PTPRN2: variants seen among roughly 807,000 people sequenced by gnomAD.
PTPRN2 encodes protein tyrosine phosphatase receptor type N2.
A neutral mutation model predicts 118.8 loss-of-function variants in PTPRN2; 74 were observed. The observed-to-expected ratio is 0.62, with a 90% CI of 0.52 to 0.76. PTPRN2 has a LOEUF of 0.76. Among genes scored for constraint, PTPRN2 ranks in the 30% least tolerant of loss-of-function variants. PTPRN2 has a pLI of 0.00. For synonymous variants in PTPRN2, 641 were observed against 608.0 expected (o/e 1.05, Z -0.80); for missense variants, 1,481 against 1,394.4 (o/e 1.06, Z -0.99).
At position 157,831,004 on chromosome 7, in the gene PTPRN2, G is replaced by A. The variant is rs531687328; in HGVS notation, c.1788+67669C>T. Among the ~76,000 whole-genome samples, 57 of 152,356 alleles carry A rather than the reference G, an allele frequency of 3.7e-4. No homozygotes were observed. Among genetic ancestry groups the A allele is most frequent in the African/African-American group, 1.3e-3 (56 of 41,580 alleles). On this transcript the variant is annotated intron_variant, in intron 12 of 22. Transcript: ENST00000389418. The surrounding 1 kb of genome is among the most constrained non-coding windows in gnomAD (Gnocchi z 4.8). ...TTGTGACTTCCATCCAGACACACAG[G>A]TAAATGACAGAGTTGCAGGCATGAC...
intron 12 of PTPRN2, among the ~76,000 whole-genome samples, chr7:157,812,663 C>G (rs544086596): frequency 6.6e-6 from 1 of 152,250 alleles, no homozygotes; most frequent in Non-Finnish European, 1.5e-5. Context: ...TTTGGTGCAT[C>G]TTTCATCAGC....
chr7:158,514,657 A>G (rs893056146), intron 1 of PTPRN2, among the ~76,000 whole-genome samples: 3 of 152,198 alleles, frequency 2.0e-5, no homozygotes, highest in Non-Finnish European at 2.9e-5. Flanking sequence ...AAGGATACCT[A>G]CTTTCCAAAC....
intron 12 of PTPRN2, chr7:157,854,470 CT>C (rs1301458717): frequency 6.6e-6 from 1 of 152,310 alleles, no homozygotes; most frequent in African/African-American, 2.4e-5. Context: ...GGTCACTGCC[CT>C]TGTGGTTGAG....
intron 11 of PTPRN2, among the ~76,000 whole-genome samples, chr7:157,994,560 C>CT (rs1357091266): frequency 7.1e-5 from 10 of 141,306 alleles, no homozygotes; most frequent in South Asian, 2.4e-4. Context: ...ATCAGCACCG[C>CT]GTCCCCAGCT....
At chr7:157,820,186 T>C (rs1806729842) in intron 12 of PTPRN2, among the ~76,000 whole-genome samples, 1 of 133,878 alleles carries the variant, frequency 7.5e-6, no homozygotes, top group African/African-American at 2.9e-5. Context: ...ACTTATGCAC[T>C]CACATATATA....
rs111880203 is a variant in PTPRN2 at position 158,155,545 on chromosome 7, C to T, written c.910+11386G>A. ...CCATCACCATCAGCACTATCATCAC[C>T]ATCAACACCATCATCATCATTGCCA... is the stretch of plus-strand genomic sequence containing the variant. On this transcript the variant is annotated intron_variant, in intron 6 of 22. Coordinates refer to ENST00000389418, the MANE Select transcript of PTPRN2 (RefSeq NM_002847.5). Among the ~76,000 whole-genome samples the T allele has an allele frequency of 3.5e-3, 369 of 104,768 alleles. 5 individuals are homozygous for T. The highest frequency in any genetic ancestry group is 0.014 in the African/African-American group (348 of 25,444). 68.7% of individuals were successfully genotyped at this position (104,768 alleles called of 152,430 possible).
intron 9 of PTPRN2, among the ~76,000 whole-genome samples, chr7:158,125,450 G>T (rs1285289681): frequency 6.6e-6 from 1 of 152,074 alleles, no homozygotes; most frequent in Non-Finnish European, 1.5e-5. Context: ...GCTGAGGTTT[G>T]GGAGAGTTTT....
At chr7:158,256,380 T>C (rs1797020272) in intron 3 of PTPRN2, among the ~76,000 whole-genome samples, 1 of 152,176 alleles carries the variant, frequency 6.6e-6, no homozygotes, top group Non-Finnish European at 1.5e-5. Context: ...TGAGAGGAGT[T>C]GTCACGTGCA....
At chr7:157,721,178 C>T (rs915364946) in intron 12 of PTPRN2, among the ~76,000 whole-genome samples, 4 of 152,196 alleles carry the variant, frequency 2.6e-5, no homozygotes, top group African/African-American at 4.8e-5. Context: ...AGCTGTTCCC[C>T]GGCACAGAAA....
rs530078309 is a variant in PTPRN2, at chr7:158,280,860, C to A, written c.277+35959G>T. On this transcript the variant is annotated intron_variant, in intron 3 of 22. Coordinates refer to ENST00000389418, the MANE Select transcript of PTPRN2 (RefSeq NM_002847.5). ...ATGGAAAGCGGGAGGGGAGGCCTCA[C>A]GGCAGCTGTGCCCAGAACCAGCACG... 5.3e-5 allele frequency among the ~76,000 whole-genome samples: 8 copies of A among 152,326 alleles called. 1 individual carries two copies. The East Asian group carries it at 7.7e-4, about 15-fold the overall frequency.
At chr7:158,256,398 A>G (rs1232566343) in intron 3 of PTPRN2, among the ~76,000 whole-genome samples, 1 of 152,192 alleles carries the variant, frequency 6.6e-6, no homozygotes, top group Non-Finnish European at 1.5e-5. Flanking sequence ...GCACCCTTGG[A>G]GCAAGGTCAC....
intron 1 of PTPRN2, among the ~76,000 whole-genome samples, chr7:158,541,047 G>T (rs906518694): frequency 1.3e-5 from 2 of 152,210 alleles, no homozygotes; most frequent in Non-Finnish European, 2.9e-5. Context: ...GCTCAGGGCT[G>T]CACAGGTGCT....
intron 12 of PTPRN2, among the ~76,000 whole-genome samples, chr7:157,707,294 T>C (rs1191401444): frequency 6.6e-6 from 1 of 151,086 alleles, no homozygotes; most frequent in African/African-American, 2.4e-5. Context: ...CCCAGCATAC[T>C]TACACACACA....
In PTPRN2 at chr7:157,576,724, T is replaced by G. The variant is rs1800069092; in HGVS notation, c.2672A>C (p.Tyr891Ser). The G allele has an allele frequency of 1.2e-6, 2 of 1,609,570 alleles. No individual in the cohort carries two copies. The highest frequency in any genetic ancestry group is 1.7e-6 in the Non-Finnish European group (2 of 1,177,614). The change falls in exon 19 of 23, where the codon TAT (tyrosine) becomes TCT (serine). Residue 891 changes from tyrosine (Y) to serine (S), a missense_variant. By Grantham distance (144) the Tyr-to-Ser change is moderately radical (BLOSUM62 -2). This residue lies in a region of PTPRN2 where 362 missense variants were observed against 384.1 expected (regional missense o/e 0.94). Transcript: ENST00000389418. The part of the protein sequence containing the change: ...WCEDFLVRSF[Y>S]LKNLQTNETR... ...CTCGTTGGTCTGCAGGTTCTTCAGATAGAAGCTCCTCACCAGGAAGTCCTC... is the reference window on the plus strand; with the variant it reads ...CTCGTTGGTCTGCAGGTTCTTCAGAGAGAAGCTCCTCACCAGGAAGTCCTC...
intron 2 of PTPRN2, among the ~76,000 whole-genome samples, chr7:158,489,296 A>T (rs1821257608): frequency 6.6e-6 from 1 of 152,042 alleles, no homozygotes. Flanking sequence ...AAATACAAAA[A>T]ATTAGCCGGG....
At chr7:157,771,787 T>TCTCACACACA (rs55838542) in intron 12 of PTPRN2, among the ~76,000 whole-genome samples, 9 of 132,532 alleles carry the variant, frequency 6.8e-5, no homozygotes, top group African/African-American at 2.3e-4. Context: ...AGACACACAC[T>TCTCACACACA]CACAGACACA....
At chr7:157,900,625 C>T (rs183724701) in intron 11 of PTPRN2, among the ~76,000 whole-genome samples, 57 of 152,324 alleles carry the variant, frequency 3.7e-4, no homozygotes, top group African/African-American at 1.2e-3. Context: ...AGGCATTCTC[C>T]GTCCCCTGCC....
At chr7:158,407,758 G>A (rs943050860) in intron 2 of PTPRN2, among the ~76,000 whole-genome samples, 4 of 152,198 alleles carry the variant, frequency 2.6e-5, no homozygotes, top group African/African-American at 9.6e-5. Context: ...CGCTCAAGCA[G>A]AGCCCGGCTG....
intron 2 of PTPRN2, among the ~76,000 whole-genome samples, chr7:158,435,711 G>T (rs897141924): frequency 6.6e-6 from 1 of 152,184 alleles, no homozygotes; most frequent in Non-Finnish European, 1.5e-5. Flanking sequence ...TTTACATGTG[G>T]TATATCTAGA....
Sources: gnomAD v4.1 joint callset for allele counts (sites outside exome capture counted in the v4.1 genomes callset) on GRCh38, gnomAD v4.1.1 for gene constraint, gnomAD v4.1.1 regional missense constraint, Gnocchi (gnomAD v3.1) non-coding constraint, MANE v1.5 for transcripts, NCBI Gene and HGNC (gene_info 2026-07-23, HGNC 2026-07-21) for gene names.